PRKN: variants seen among roughly 807,000 people sequenced by gnomAD.
The protein encoded by PRKN is parkin RBR E3 ubiquitin protein ligase.
A neutral mutation model predicts 59.5 loss-of-function variants in PRKN; 56 were observed. That is an observed-to-expected ratio of 0.94 (90% CI 0.76 to 1.18). The LOEUF is 1.18. Ranked by LOEUF, PRKN falls within the 50% of genes most tolerant of loss-of-function variation. PRKN has a pLI of 0.00. For missense variants in PRKN, 657 were observed against 596.4 expected, an observed-to-expected ratio of 1.10 and a Z score of -1.06; for synonymous variants, 250 against 222.1, an observed-to-expected ratio of 1.13 and a Z score of -1.12.
In PRKN at chr6:161,557,132, G is replaced by T. The variant is rs527799967; in HGVS notation, c.934-8129C>A. ...TTCTCCTGTATTTTATCAGATTATA[G>T]CAAAAAATACATTTCATTAGTATGC... is the stretch of plus-strand genomic sequence containing the variant. On this transcript the variant is annotated intron_variant, in intron 8 of 11. Coordinates refer to ENST00000366898, the MANE Select transcript of PRKN (RefSeq NM_004562.3). Among the ~76,000 whole-genome samples, 650 of 152,186 alleles carry T rather than the reference G, an allele frequency of 4.3e-3. 5 individuals carry two copies. Among genetic ancestry groups the T allele is most frequent in the Middle Eastern group, 0.02 (6 of 294 alleles).
intron 10 of PRKN, among the ~76,000 whole-genome samples, chr6:161,366,382 C>T (rs1785199376): frequency 6.6e-6 from 1 of 152,024 alleles, no homozygotes; most frequent in Admixed American, 6.6e-5. Context: ...AGTCAAGGAC[C>T]CCCTCATGGA....
At chr6:161,513,219 T>A (rs886247785) in intron 9 of PRKN, among the ~76,000 whole-genome samples, 1 of 152,196 alleles carries the variant, frequency 6.6e-6, no homozygotes, top group South Asian at 2.1e-4. Context: ...CATTTGAGCT[T>A]AAAGATACAT....
intron 6 of PRKN, among the ~76,000 whole-genome samples, chr6:161,908,582 A>G (rs997649134): frequency 1.6e-5 from 2 of 127,620 alleles, no homozygotes; most frequent in Admixed American, 7.4e-5. Flanking sequence ...GCCTGAAGTG[A>G]TTACAAGAAA....
At chr6:162,281,453 TA>T (rs1780906023) in intron 2 of PRKN, among the ~76,000 whole-genome samples, 1 of 152,118 alleles carries the variant, frequency 6.6e-6, no homozygotes, top group Non-Finnish European at 1.5e-5. Flanking sequence ...GCGGTATTAC[TA>T]CAAAATTTTT....
chr6:161,745,564 G>A (rs73783388), intron 7 of PRKN, among the ~76,000 whole-genome samples: 2,695 of 152,314 alleles, frequency 0.018, 88 homozygotes, highest in African/African-American at 0.062. Context: ...CTTGCTGTTG[G>A]AACGTGAATA....
intron 3 of PRKN, among the ~76,000 whole-genome samples, chr6:162,247,383 G>A (rs919993565): frequency 1.3e-5 from 2 of 152,018 alleles, no homozygotes; most frequent in African/African-American, 2.4e-5. Flanking sequence ...AAATGACACC[G>A]TGAAAGATAA....
In PRKN at chr6:161,470,601, T is replaced by C. The variant is rs565176894; in HGVS notation, c.1083+78253A>G. On this transcript the variant is annotated intron_variant, in intron 9 of 11. Coordinates refer to ENST00000366898, the MANE Select transcript of PRKN (RefSeq NM_004562.3). The surrounding 1 kb of genome is among the most constrained non-coding windows in gnomAD (Gnocchi z 5.1). The stretch of plus-strand genomic sequence containing the variant: ...CCCTCTTCCTGGAGCAAAGAGTCTG[T>C]GGAGCTAAAAAGCTGCACCCACAAC... Among the ~76,000 whole-genome samples, 78 of 152,296 alleles carry C rather than the reference T, an allele frequency of 5.1e-4. 3 individuals are homozygous for C. The South Asian group carries it at 0.016, about 31-fold the overall frequency.
At chr6:161,528,131 C>G (rs1474426064) in intron 9 of PRKN, among the ~76,000 whole-genome samples, 1 of 152,254 alleles carries the variant, frequency 6.6e-6, no homozygotes, top group South Asian at 2.1e-4. Context: ...TTAAAGTAAT[C>G]CTCAGGGGAA....
intron 4 of PRKN, among the ~76,000 whole-genome samples, chr6:162,176,918 C>T (rs1409833345): frequency 8.8e-6 from 1 of 114,118 alleles, no homozygotes; most frequent in East Asian, 2.2e-4. Context: ...ACTCTGAACA[C>T]AATGAAATTC....
At chr6:162,183,728 C>CT (rs1184876567) in intron 4 of PRKN, among the ~76,000 whole-genome samples, 10 of 152,296 alleles carry the variant, frequency 6.6e-5, no homozygotes, top group African/African-American at 2.4e-4. Context: ...GATTTCTAAG[C>CT]TTTGGGCTCA....
chr6:162,617,352 C>T (rs1033996960), intron 1 of PRKN, among the ~76,000 whole-genome samples: 2 of 152,148 alleles, frequency 1.3e-5, no homozygotes, highest in African/African-American at 4.8e-5. Context: ...CCACCTCAGC[C>T]GCCCAAGTAG....
intron 1 of PRKN, chr6:162,727,223 G>GC: frequency 5.8e-6 from 1 of 172,624 alleles, no homozygotes; most frequent in South Asian, 1.6e-4. Context: ...TCCTGAAAGA[G>GC]CCCCACAGAG....
At chr6:162,189,702 C>T (rs1333297971) in intron 4 of PRKN, among the ~76,000 whole-genome samples, 1 of 151,714 alleles carries the variant, frequency 6.6e-6, no homozygotes, top group Non-Finnish European at 1.5e-5. Context: ...TTCATGAACT[C>T]TGTTTATGCA....
intron 6 of PRKN, among the ~76,000 whole-genome samples, chr6:161,966,057 A>G (rs1448056014): frequency 6.6e-6 from 1 of 152,078 alleles, no homozygotes; most frequent in Non-Finnish European, 1.5e-5. Flanking sequence ...TCCCCCACAA[A>G]GGACAGCTTT....
intron 1 of PRKN, among the ~76,000 whole-genome samples, chr6:162,527,756 A>G (rs1398808875): frequency 6.6e-6 from 1 of 152,168 alleles, no homozygotes; most frequent in East Asian, 1.9e-4. Flanking sequence ...AGGAGAAAGC[A>G]ATATAGCTCT....
intron 2 of PRKN, among the ~76,000 whole-genome samples, chr6:162,368,555 C>A (rs964327247): frequency 1.3e-5 from 2 of 152,122 alleles, no homozygotes; most frequent in Non-Finnish European, 2.9e-5. Context: ...CAGCACGAAT[C>A]CCAAAGGTAC....
intron 3 of PRKN, among the ~76,000 whole-genome samples, chr6:162,261,180 G>C (rs1007942847): frequency 6.6e-6 from 1 of 152,134 alleles, no homozygotes; most frequent in Admixed American, 6.5e-5. Context: ...CAGAGACTCT[G>C]TCCTCCTCAT....
In PRKN at chr6:162,458,766, T is replaced by C. The variant is rs974796940; in HGVS notation, c.8-15293A>G. Among the ~76,000 whole-genome samples the C allele has an allele frequency of 2.6e-5, 4 of 151,836 alleles. No individual in the cohort carries two copies. In the East Asian group the frequency reaches 7.8e-4, roughly 29 times the overall value. On this transcript the variant is annotated intron_variant, in intron 1 of 11. Transcript: ENST00000366898. ...CTAATTTTAGGATAAAGAAAATGAA[T>C]AAAATTAAATGACTTATATTGAGTA...
intron 5 of PRKN, among the ~76,000 whole-genome samples, chr6:161,974,352 C>A (rs1231085942): frequency 1.3e-5 from 2 of 152,162 alleles, no homozygotes; most frequent in Non-Finnish European, 2.9e-5. Context: ...ACTCTGCCGC[C>A]CACCCTCTGT....
Sources: gnomAD v4.1 joint callset for allele counts (sites outside exome capture counted in the v4.1 genomes callset) on GRCh38, gnomAD v4.1.1 for gene constraint, Gnocchi (gnomAD v3.1) non-coding constraint, MANE v1.5 for transcripts, NCBI Gene and HGNC (gene_info 2026-07-23, HGNC 2026-07-21) for gene names.